The following AGBL4 variants were observed in gnomAD, a reference collection of about 807,000 sequenced individuals.
The protein encoded by AGBL4 is AGBL carboxypeptidase 4.
AGBL4 carries 58 observed loss-of-function variants against 66.4 expected under a neutral mutation model. The ratio of observed to expected loss-of-function variants is 0.87; its 90% CI spans 0.71 to 1.09. The LOEUF is 1.09. AGBL4 is among the 50% of genes least tolerant of loss of function. AGBL4 has a pLI of 0.00. For missense variants in AGBL4, 579 were observed against 631.0 expected, an observed-to-expected ratio of 0.92 and a Z score of 0.88; for synonymous variants, 234 against 222.9, an observed-to-expected ratio of 1.05 and a Z score of -0.44.
intron 4 of AGBL4, among the ~76,000 whole-genome samples, chr1:49,194,322 T>C (rs994613745): frequency 2.6e-5 from 4 of 152,152 alleles, no homozygotes; most frequent in Admixed American, 6.5e-5. Flanking sequence ...TTATTTGATA[T>C]AAGAAGAGCT....
chr1:49,223,659 G>C (rs569234264), intron 4 of AGBL4, among the ~76,000 whole-genome samples: 161 of 152,262 alleles, frequency 1.1e-3, no homozygotes, highest in African/African-American at 3.7e-3. Flanking sequence ...CTAAATGCAG[G>C]GTCCTGTATG....
Position 48,820,491 on chromosome 1 carries a change from G to A in AGBL4, c.634+46700C>T, listed in dbSNP as rs144266266. ...TGTTGAGTAAAGCAGATTGCCCTCCGTAATGTGGGTGGGCTTCATCCAATC... is the reference window on the plus strand; with the variant it reads ...TGTTGAGTAAAGCAGATTGCCCTCCATAATGTGGGTGGGCTTCATCCAATC... On this transcript the variant is annotated intron_variant, in intron 6 of 13. Coordinates refer to ENST00000371839, the MANE Select transcript of AGBL4 (RefSeq NM_032785.4). Among the ~76,000 whole-genome samples the A allele has an allele frequency of 2.3e-4, 35 of 152,262 alleles. No individual in the cohort carries two copies. In the East Asian group the frequency reaches 4.6e-3, roughly 20 times the overall value.
chr1:49,117,094 A>G (rs1465289220), intron 4 of AGBL4, among the ~76,000 whole-genome samples: 1 of 149,314 alleles, frequency 6.7e-6, no homozygotes, highest in African/African-American at 2.5e-5. Flanking sequence ...AATTTGTTTG[A>G]GTTCTTTGTA....
intron 5 of AGBL4, among the ~76,000 whole-genome samples, chr1:48,913,751 G>T (rs1653352081): frequency 6.6e-6 from 1 of 152,182 alleles, no homozygotes; most frequent in Non-Finnish European, 1.5e-5. Flanking sequence ...CACAAAAAAT[G>T]TAATGTGCTT....
At chr1:49,428,870 C>T (rs1645723019) in intron 3 of AGBL4, among the ~76,000 whole-genome samples, 1 of 152,190 alleles carries the variant, frequency 6.6e-6, no homozygotes, top group African/African-American at 2.4e-5. Context: ...CAGTTGGCCA[C>T]TATAAGATCA....
intron 6 of AGBL4, among the ~76,000 whole-genome samples, chr1:48,781,394 G>A (rs1489700418): frequency 4.6e-5 from 7 of 152,152 alleles, no homozygotes; most frequent in Non-Finnish European, 1.0e-4. Flanking sequence ...AACCTACTAT[G>A]TGCCATAGGG....
intron 6 of AGBL4, among the ~76,000 whole-genome samples, chr1:48,712,555 T>C (rs949253817): frequency 6.6e-6 from 1 of 152,052 alleles, no homozygotes; most frequent in Non-Finnish European, 1.5e-5. Context: ...TTCTGTGTGC[T>C]TTATATATAT....
intron 9 of AGBL4, among the ~76,000 whole-genome samples, chr1:48,608,165 G>C (rs1645180531): frequency 6.6e-6 from 1 of 152,222 alleles, no homozygotes; most frequent in African/African-American, 2.4e-5. Context: ...GTTAGTCACA[G>C]AGCCTATAGA....
At chr1:48,976,133 T>G (rs1358870483) in intron 5 of AGBL4, among the ~76,000 whole-genome samples, 1 of 152,168 alleles carries the variant, frequency 6.6e-6, no homozygotes, top group African/African-American at 2.4e-5. Context: ...ATTATTGGGA[T>G]GGGAAGAGTG....
At chr1:49,773,383 A>T in intron 2 of AGBL4, among the ~76,000 whole-genome samples, 1 of 152,142 alleles carries the variant, frequency 6.6e-6, no homozygotes, top group East Asian at 1.9e-4. Context: ...GTGACTCTAC[A>T]TATCTGCACA....
intron 5 of AGBL4, among the ~76,000 whole-genome samples, chr1:48,873,655 G>A (rs1485468861): frequency 6.6e-6 from 1 of 152,032 alleles, no homozygotes; most frequent in African/African-American, 2.4e-5. Context: ...AACTAAACAG[G>A]GTCCCACTGA....
At chr1:48,919,575 T>A (rs1172917203) in intron 5 of AGBL4, among the ~76,000 whole-genome samples, 3 of 152,146 alleles carry the variant, frequency 2.0e-5, no homozygotes, top group African/African-American at 7.2e-5. Flanking sequence ...AGAAAGAAAG[T>A]CAGACACCTA....
chr1:49,901,200 G>A (rs1355253819), intron 1 of AGBL4, among the ~76,000 whole-genome samples: 1 of 152,088 alleles, frequency 6.6e-6, no homozygotes, highest in Non-Finnish European at 1.5e-5. Context: ...AGAGCAATCA[G>A]GCAAGAGAAA....
At chr1:49,292,881 C>T (rs1469933503) in intron 3 of AGBL4, among the ~76,000 whole-genome samples, 1 of 152,228 alleles carries the variant, frequency 6.6e-6, no homozygotes, top group Non-Finnish European at 1.5e-5. Context: ...CCTCATTTTT[C>T]CTGGACACAA....
chr1:49,299,306 C>A (rs1454498109), intron 3 of AGBL4, among the ~76,000 whole-genome samples: 1 of 152,170 alleles, frequency 6.6e-6, no homozygotes, highest in African/African-American at 2.4e-5. Flanking sequence ...GGTTTAATAA[C>A]ATGCCTAAGG....
At position 48,593,533 on chromosome 1, in the gene AGBL4, C is replaced by T. The variant is rs186376580; in HGVS notation, c.952-2548G>A. Among the ~76,000 whole-genome samples the T allele has an allele frequency of 3.5e-4, 53 of 152,182 alleles. 1 individual carries two copies. In the South Asian group the frequency reaches 3.7e-3, roughly 11 times the overall value. On this transcript the variant is annotated intron_variant, in intron 9 of 13. Coordinates refer to ENST00000371839, the MANE Select transcript of AGBL4 (RefSeq NM_032785.4). The stretch of plus-strand genomic sequence containing the variant: ...TTGGGAGGCAAAGGCAGGCAGATCA[C>T]GAAGTCAGGAGTTCGAGACCATCCT...
chr1:49,996,747 T>C lies in AGBL4; in HGVS notation c.34+27016A>G, dbSNP rs367685373. ...AATTCATCACAAAAAGATCACTGCC[T>C]AGGCACATACTCATCAGGTAATCTA... On this transcript the variant is annotated intron_variant, in intron 1 of 13. Transcript: ENST00000371839. Among the ~76,000 whole-genome samples the C allele has an allele frequency of 3.9e-5, 6 of 152,206 alleles. No individual in the cohort carries two copies. In the East Asian group the frequency reaches 9.6e-4, roughly 24 times the overall value.
intron 10 of AGBL4, 21 bp from the exon 11 acceptor site, chr1:48,587,187 AGGAGAGAATCAC>A (rs1319131213): frequency 6.5e-7 from 1 of 1,533,020 alleles, no homozygotes; most frequent in Non-Finnish European, 8.8e-7. Flanking sequence ...CAGAGTAGGG[AGGAGAGAATCAC>A]GGCACCTGCT....
At chr1:48,764,794 A>G (rs1451903694) in intron 6 of AGBL4, among the ~76,000 whole-genome samples, 12 of 152,226 alleles carry the variant, frequency 7.9e-5, no homozygotes, top group East Asian at 1.9e-4. Context: ...AAATCAGCTC[A>G]GTAAATGTTC....
Sources: allele counts gnomAD v4.1 joint callset (sites outside exome capture counted in the v4.1 genomes callset), GRCh38; gene constraint gnomAD v4.1.1; transcripts MANE v1.5; gene names NCBI Gene and HGNC (gene_info 2026-07-23, HGNC 2026-07-21).